The following ZFPM2 variants were observed in gnomAD, a reference collection of about 807,000 sequenced individuals.
ZFPM2 encodes zinc finger protein ZFPM2.
A neutral mutation model predicts 98.6 loss-of-function variants in ZFPM2; 20 were observed. That is an observed-to-expected ratio of 0.20 (90% CI 0.14 to 0.29). The LOEUF is 0.29. Ranked by LOEUF, ZFPM2 falls within the 10% of genes least tolerant of loss-of-function variation. The pLI, the probability that ZFPM2 is intolerant of heterozygous loss-of-function variation, is 1.00. For missense variants in ZFPM2, 1,310 were observed against 1,388.6 expected (o/e 0.94, Z 0.90); for synonymous variants, 518 against 502.7 (o/e 1.03, Z -0.41).
rs200770629 is a variant in ZFPM2 at position 105,642,975 on chromosome 8, ATGTGAC to A, written c.532+8622_532+8627del. Among the ~76,000 whole-genome samples, 5 of 152,336 alleles carry A rather than the reference ATGTGAC, an allele frequency of 3.3e-5. No homozygotes were observed. The East Asian group carries it at 9.7e-4, about 29-fold the overall frequency. ...TTTAGTTAAAGTTGAGAATTTACAA[ATGTGAC>A]TGTTGAGGAGCAGGCCTCCAAAAGT... On this transcript the variant is annotated intron_variant, in intron 5 of 7. Transcript: ENST00000407775.
rs550707346 is a variant in ZFPM2, at chr8:105,650,775, C to T, written c.532+16418C>T. Among the ~76,000 whole-genome samples the T allele has an allele frequency of 1.2e-4, 19 of 152,246 alleles. No homozygotes were observed. In the South Asian group the frequency reaches 3.9e-3, roughly 32 times the overall value. ...TTTAATTTCTGTTCTTTTACATTTGCTGAGGAGTGCTTTACTTCCAACTAT... is the reference window on the plus strand; with the variant it reads ...TTTAATTTCTGTTCTTTTACATTTGTTGAGGAGTGCTTTACTTCCAACTAT... On this transcript the variant is annotated intron_variant, in intron 5 of 7. Coordinates refer to ENST00000407775, the MANE Select transcript of ZFPM2 (RefSeq NM_012082.4).
At chr8:105,736,340 C>A (rs535770627) in intron 5 of ZFPM2, among the ~76,000 whole-genome samples, 12 of 152,106 alleles carry the variant, frequency 7.9e-5, no homozygotes, top group Non-Finnish European at 1.6e-4. Flanking sequence ...ACTTAATATT[C>A]ATCTTAGTAT....
intron 5 of ZFPM2, among the ~76,000 whole-genome samples, chr8:105,740,752 T>C (rs1405734931): frequency 1.3e-5 from 2 of 151,730 alleles, no homozygotes; most frequent in Non-Finnish European, 2.9e-5. Flanking sequence ...TGAACCTGCT[T>C]CCCATAGGAG....
chr8:105,747,357 C>G (rs1166633738), intron 5 of ZFPM2, among the ~76,000 whole-genome samples: 2 of 152,036 alleles, frequency 1.3e-5, no homozygotes, highest in Non-Finnish European at 2.9e-5. Context: ...GTTTGGTCCT[C>G]TTTTGTAAGA....
chr8:105,791,078 T>C (rs1292397510), intron 6 of ZFPM2, among the ~76,000 whole-genome samples: 1 of 152,214 alleles, frequency 6.6e-6, no homozygotes, highest in East Asian at 1.9e-4. Context: ...TGAATAATCT[T>C]TATTTCCTTC....
intron 3 of ZFPM2, among the ~76,000 whole-genome samples, chr8:105,531,750 A>T (rs976834665): frequency 1.3e-5 from 2 of 152,190 alleles, no homozygotes; most frequent in Non-Finnish European, 2.9e-5. Context: ...CTATTTTCCA[A>T]ATTCTTACTA....
At chr8:105,531,619 T>A (rs1814299581) in intron 3 of ZFPM2, among the ~76,000 whole-genome samples, 1 of 152,148 alleles carries the variant, frequency 6.6e-6, no homozygotes. Context: ...TTTCAACATA[T>A]CTTTTGGCAG....
At chr8:105,740,515 ATG>A (rs928253551) in intron 5 of ZFPM2, among the ~76,000 whole-genome samples, 10 of 147,536 alleles carry the variant, frequency 6.8e-5, no homozygotes, top group African/African-American at 2.0e-4. Flanking sequence ...ACTAACATGT[ATG>A]TGTGTGTATG....
intron 5 of ZFPM2, among the ~76,000 whole-genome samples, chr8:105,774,891 G>T (rs1034502366): frequency 1.3e-5 from 2 of 151,946 alleles, no homozygotes; most frequent in African/African-American, 4.8e-5. Flanking sequence ...ACCTCTAAGT[G>T]CTTGAGGGGG....
intron 4 of ZFPM2, among the ~76,000 whole-genome samples, chr8:105,607,018 A>G (rs1269343257): frequency 6.6e-6 from 1 of 152,060 alleles, no homozygotes; most frequent in Non-Finnish European, 1.5e-5. Context: ...TCTTCATAAG[A>G]CCATACCAAT....
At chr8:105,648,953 A>G (rs540911665) in intron 5 of ZFPM2, among the ~76,000 whole-genome samples, 4 of 152,208 alleles carry the variant, frequency 2.6e-5, no homozygotes, top group Non-Finnish European at 5.9e-5. Context: ...CATTCAGTCT[A>G]TAAATTACCT....
At chr8:105,589,915 G>T (rs1480596029) in intron 4 of ZFPM2, among the ~76,000 whole-genome samples, 3 of 152,098 alleles carry the variant, frequency 2.0e-5, no homozygotes, top group African/African-American at 4.8e-5. Flanking sequence ...TAGAGACAGG[G>T]TTTTGCCATG....
intron 5 of ZFPM2, among the ~76,000 whole-genome samples, chr8:105,695,378 A>ATTTTTTTTTT: frequency 1.3e-5 from 1 of 74,832 alleles, no homozygotes; most frequent in Non-Finnish European, 2.5e-5. Flanking sequence ...AATGGTTTGT[A>ATTTTTTTTTT]TTTTTTTTTT....
At chr8:105,418,751 C>T in intron 1 of ZFPM2, 1 of 487,354 alleles carries the variant, frequency 2.1e-6, no homozygotes, top group Non-Finnish European at 4.0e-6. Context: ...TTATTAAAAT[C>T]TCAGGTAAAA....
chr8:105,627,196 G>A (rs1816675302), intron 4 of ZFPM2, among the ~76,000 whole-genome samples: 1 of 152,150 alleles, frequency 6.6e-6, no homozygotes, highest in Non-Finnish European at 1.5e-5. Context: ...TGTCGGTCCA[G>A]TAACTCTAAA....
At chr8:105,563,388 T>G (rs1175241922) in intron 4 of ZFPM2, among the ~76,000 whole-genome samples, 1 of 152,198 alleles carries the variant, frequency 6.6e-6, no homozygotes, top group Non-Finnish European at 1.5e-5. Context: ...ATTTATTACT[T>G]TGTACATTCA....
chr8:105,558,609 C>T (rs999861476), intron 3 of ZFPM2, among the ~76,000 whole-genome samples: 1 of 152,162 alleles, frequency 6.6e-6, no homozygotes, highest in East Asian at 1.9e-4. Context: ...GACAGAGCTG[C>T]TTGTAAATCC....
At chr8:105,333,581 T>A (rs1379045554) in intron 1 of ZFPM2, among the ~76,000 whole-genome samples, 1 of 151,740 alleles carries the variant, frequency 6.6e-6, no homozygotes, top group Non-Finnish European at 1.5e-5. Context: ...GCACATATAC[T>A]GTTTGACCCA....
intron 2 of ZFPM2, among the ~76,000 whole-genome samples, chr8:105,443,919 A>G (rs1812316359): frequency 6.6e-6 from 1 of 152,212 alleles, no homozygotes; most frequent in Non-Finnish European, 1.5e-5. Flanking sequence ...TCTTTAGAAA[A>G]GTTATAATTT....
Sources: allele counts gnomAD v4.1 joint callset (sites outside exome capture counted in the v4.1 genomes callset), GRCh38; gene constraint gnomAD v4.1.1; transcripts MANE v1.5; gene names NCBI Gene and HGNC (gene_info 2026-07-23, HGNC 2026-07-21).